The following RFX3 variants were observed in gnomAD, a reference collection of about 807,000 sequenced individuals.
RFX3 encodes regulatory factor X3.
A neutral mutation model predicts 98.6 loss-of-function variants in RFX3; 14 were observed. The ratio of observed to expected loss-of-function variants is 0.14; its 90% CI spans 0.09 to 0.22. The LOEUF is 0.22. Among genes scored for constraint, RFX3 ranks in the 10% least tolerant of loss-of-function variants. The pLI, the probability that RFX3 is intolerant of heterozygous loss-of-function variation, is 1.00. For missense variants in RFX3, 639 were observed against 926.9 expected (o/e 0.69, Z 4.03); for synonymous variants, 383 against 328.4 (o/e 1.17, Z -1.80).
chr9:3,504,565 T>C (rs1262892674), intron 1 of RFX3, among the ~76,000 whole-genome samples: 1 of 135,510 alleles, frequency 7.4e-6, no homozygotes, highest in Non-Finnish European at 1.5e-5. Context: ...ATATAAAATA[T>C]ATAGTATATG....
intron 14 of RFX3, among the ~76,000 whole-genome samples, chr9:3,254,596 G>A (rs2131071191): frequency 6.6e-6 from 1 of 151,564 alleles, no homozygotes; most frequent in Middle Eastern, 3.4e-3. Context: ...GGAGTGCAGT[G>A]GCGTGATCTC....
intron 4 of RFX3, among the ~76,000 whole-genome samples, chr9:3,314,799 A>G (rs1471054798): frequency 6.6e-6 from 1 of 152,162 alleles, no homozygotes; most frequent in East Asian, 1.9e-4. Flanking sequence ...AATGGTAAAG[A>G]GATCAATTCA....
intron 2 of RFX3, among the ~76,000 whole-genome samples, chr9:3,386,954 A>T (rs1193578964): frequency 1.3e-5 from 2 of 152,174 alleles, no homozygotes; most frequent in Non-Finnish European, 2.9e-5. Context: ...ACCTTCTGCA[A>T]AGAGGCTCTT....
chr9:3,504,949 A>AAT (rs1283885938), intron 1 of RFX3, among the ~76,000 whole-genome samples: 5 of 23,538 alleles, frequency 2.1e-4, no homozygotes, highest in Non-Finnish European at 4.3e-4. Context: ...TATATAATAT[A>AAT]ATATATATTA....
chr9:3,379,539 A>G (rs2131674299), intron 2 of RFX3, among the ~76,000 whole-genome samples: 1 of 152,318 alleles, frequency 6.6e-6, no homozygotes, highest in South Asian at 2.1e-4. Context: ...AATGAAAAAG[A>G]TCATAGGCAA....
intron 1 of RFX3, among the ~76,000 whole-genome samples, chr9:3,522,807 C>T (rs1195849833): frequency 5.9e-5 from 9 of 152,056 alleles, no homozygotes. Context: ...ATCCAACTTG[C>T]CTTTAAGATT....
intron 6 of RFX3, among the ~76,000 whole-genome samples, chr9:3,291,395 CAAAACAA>C (rs1586905030): frequency 3.0e-4 from 1 of 3,382 alleles, no homozygotes; most frequent in East Asian, 0.05. Context: ...AAAACAAAAA[CAAAACAA>C]AACAAAACAA....
At chr9:3,291,364 T>C (rs1047744903) in intron 6 of RFX3, among the ~76,000 whole-genome samples, 1 of 150,812 alleles carries the variant, frequency 6.6e-6, no homozygotes, top group Non-Finnish European at 1.5e-5. Flanking sequence ...AGAGCGAGAA[T>C]CCTTCTCAAA....
At chr9:3,373,669 G>A (rs1838103775) in intron 2 of RFX3, among the ~76,000 whole-genome samples, 1 of 152,172 alleles carries the variant, frequency 6.6e-6, no homozygotes, top group Non-Finnish European at 1.5e-5. Flanking sequence ...GAAGTTCTGG[G>A]AAGATCAATT....
chr9:3,361,441 T>C lies in RFX3; in HGVS notation c.118-14677A>G, dbSNP rs1481327521. On this transcript the variant is annotated intron_variant, in intron 2 of 16. Transcript: ENST00000617270. ...AGAAAAAGCATACGGGAAAAACTGATTTTCTCTGTAAGCAAGGGTTATGAA... is the reference window on the plus strand; with the variant it reads ...AGAAAAAGCATACGGGAAAAACTGACTTTCTCTGTAAGCAAGGGTTATGAA... 2.6e-5 allele frequency among the ~76,000 whole-genome samples: 4 copies of C among 152,006 alleles called. No homozygotes were observed. The East Asian group carries it at 7.7e-4, about 29-fold the overall frequency.
At chr9:3,376,083 G>A (rs1284308788) in intron 2 of RFX3, among the ~76,000 whole-genome samples, 1 of 152,154 alleles carries the variant, frequency 6.6e-6, no homozygotes, top group Non-Finnish European at 1.5e-5. Context: ...AAGCACATAA[G>A]AAGATAGTAT....
intron 2 of RFX3, among the ~76,000 whole-genome samples, chr9:3,360,609 GA>G (rs1332434891): frequency 2.6e-5 from 4 of 151,910 alleles, no homozygotes; most frequent in African/African-American, 9.7e-5. Context: ...CTCTCTTACT[GA>G]TGCATATTTA....
chr9:3,234,885 C>T (rs1019128310), intron 15 of RFX3, among the ~76,000 whole-genome samples: 2 of 152,128 alleles, frequency 1.3e-5, no homozygotes, highest in Non-Finnish European at 2.9e-5. Context: ...GGATACAGAA[C>T]CAGAGCCTTC....
chr9:3,494,073 T>G (rs1292818554), intron 1 of RFX3, among the ~76,000 whole-genome samples: 2 of 152,118 alleles, frequency 1.3e-5, no homozygotes, highest in Non-Finnish European at 2.9e-5. Context: ...GTACTTAGTA[T>G]GATGAGAGCC....
intron 2 of RFX3, among the ~76,000 whole-genome samples, chr9:3,349,669 C>T (rs776243046): frequency 2.6e-5 from 4 of 151,908 alleles, no homozygotes; most frequent in East Asian, 3.9e-4. Context: ...TTTAGACAAA[C>T]GTGCAAATGT....
At chr9:3,283,337 T>C (rs1248399775) in intron 7 of RFX3, among the ~76,000 whole-genome samples, 1 of 151,724 alleles carries the variant, frequency 6.6e-6, no homozygotes, top group East Asian at 1.9e-4. Context: ...ATTAAAAAAA[T>C]TTTCAGATAC....
intron 1 of RFX3, among the ~76,000 whole-genome samples, chr9:3,460,724 G>C (rs1443399452): frequency 6.7e-6 from 1 of 149,416 alleles, no homozygotes; most frequent in African/African-American, 2.4e-5. Context: ...CCCAGGCTTA[G>C]GTAGTTATAG....
chr9:3,475,692 G>T (rs539040237), intron 1 of RFX3, among the ~76,000 whole-genome samples: 1 of 152,340 alleles, frequency 6.6e-6, no homozygotes, highest in Non-Finnish European at 1.5e-5. Context: ...GCAGAGCCAG[G>T]TGTACAGGAT....
At chr9:3,407,500 G>T (rs1350199043) in intron 1 of RFX3, among the ~76,000 whole-genome samples, 6 of 152,002 alleles carry the variant, frequency 3.9e-5, no homozygotes, top group Admixed American at 1.3e-4. Context: ...ACTAGAAATA[G>T]GCAGAGTGAG....
Sources: allele counts gnomAD v4.1 joint callset (sites outside exome capture counted in the v4.1 genomes callset), GRCh38; gene constraint gnomAD v4.1.1; transcripts MANE v1.5; gene names NCBI Gene and HGNC (gene_info 2026-07-23, HGNC 2026-07-21).